ZNF423: variants seen among roughly 807,000 people sequenced by gnomAD.
ZNF423 encodes the protein zinc finger protein 423.
In ZNF423, 12 loss-of-function variants were observed where a neutral mutation model predicts 95.8. The observed-to-expected ratio is 0.13, with a 90% CI of 0.08 to 0.20. ZNF423 has a LOEUF of 0.20. Among genes scored for constraint, ZNF423 ranks in the 10% least tolerant of loss-of-function variants. ZNF423 has a pLI of 1.00. For synonymous variants in ZNF423, 749 were observed against 711.9 expected, an observed-to-expected ratio of 1.05 and a Z score of -0.83; for missense variants, 1,316 against 1,737.1, an observed-to-expected ratio of 0.76 and a Z score of 4.31.
Position 49,637,018 on chromosome 16 carries a change from G to T in ZNF423, c.2158C>A (p.Leu720Met). Residue 720 changes from leucine to methionine, a missense_variant, in exon 4 of 8, where the codon CTG (leucine) becomes ATG (methionine). Leu to Met is a conservative substitution (Grantham distance 15). Around this residue, in one of 6 missense-constraint regions of ZNF423, gnomAD observed 620 missense variants for 775.6 expected, o/e 0.80. Coordinates refer to ENST00000563137, the MANE Select transcript of ZNF423 (RefSeq NM_001379286.1). The surrounding 1 kb of genome is among the most constrained non-coding windows in gnomAD (Gnocchi z 5.6). ...SSVDDLQKHLLDMHTFVLYHC... is the reference protein window; with the variant it reads ...SSVDDLQKHLMDMHTFVLYHC... The stretch of plus-strand genomic sequence containing the variant: ...TACAACACAAAGGTGTGCATGTCCA[G>T]CAGGTGCTTCTGCAGGTCATCCACC... 6.2e-7 allele frequency: 1 copy of T among 1,613,982 alleles called. No homozygotes were observed.
At chr16:49,853,408 T>G (rs896540160) in intron 1 of ZNF423, among the ~76,000 whole-genome samples, 9 of 152,144 alleles carry the variant, frequency 5.9e-5, no homozygotes, top group South Asian at 4.2e-4. Flanking sequence ...TGGCCACATC[T>G]CCACCCTCTT....
At chr16:49,536,687 GATTACA>G (rs1381683088) in intron 5 of ZNF423, among the ~76,000 whole-genome samples, 7 of 151,918 alleles carry the variant, frequency 4.6e-5, no homozygotes, top group Non-Finnish European at 1.0e-4. Flanking sequence ...AAAGTGCTGG[GATTACA>G]GGTATGAGCC....
chr16:49,792,143 G>A (rs968257739), intron 1 of ZNF423, among the ~76,000 whole-genome samples: 12 of 151,632 alleles, frequency 7.9e-5, no homozygotes, highest in Admixed American at 6.6e-4. Context: ...TTAGTCATCT[G>A]CAGGTATCAG....
intron 5 of ZNF423, among the ~76,000 whole-genome samples, chr16:49,596,381 C>T (rs774406026): frequency 6.6e-6 from 1 of 152,170 alleles, no homozygotes; most frequent in Non-Finnish European, 1.5e-5. Flanking sequence ...AGAAAAACAA[C>T]AGCCCGCAGC....
intron 5 of ZNF423, among the ~76,000 whole-genome samples, chr16:49,563,074 C>T (rs79829380): frequency 0.036 from 5,413 of 151,884 alleles, 136 homozygotes; most frequent in Non-Finnish European, 0.056. Flanking sequence ...TGAGCCACCG[C>T]GCCCACACAG....
intron 5 of ZNF423, among the ~76,000 whole-genome samples, chr16:49,592,755 A>G (rs1157046632): frequency 1.3e-5 from 2 of 151,946 alleles, no homozygotes; most frequent in African/African-American, 2.4e-5. Context: ...TGATGCCCCC[A>G]CCTCTGCCAG....
At chr16:49,795,681 G>A (rs1365050618) in intron 1 of ZNF423, among the ~76,000 whole-genome samples, 2 of 152,196 alleles carry the variant, frequency 1.3e-5, no homozygotes, top group Admixed American at 6.5e-5. Context: ...CCACAGGGAT[G>A]GAGGGGGCTA....
chr16:49,643,395 A>C (rs1018558802), intron 3 of ZNF423, among the ~76,000 whole-genome samples: 3 of 152,212 alleles, frequency 2.0e-5, no homozygotes, highest in Non-Finnish European at 4.4e-5. Context: ...CTAATGAGTT[A>C]GGGACTGTTA....
At chr16:49,669,253 C>T (rs865858704) in intron 3 of ZNF423, among the ~76,000 whole-genome samples, 57 of 151,426 alleles carry the variant, frequency 3.8e-4, no homozygotes, top group African/African-American at 1.2e-3. Context: ...CACTTGAACT[C>T]GGGAGGCGGA....
chr16:49,833,665 T>C (rs999966152), intron 1 of ZNF423, among the ~76,000 whole-genome samples: 1 of 149,570 alleles, frequency 6.7e-6, no homozygotes, highest in East Asian at 2.0e-4. Context: ...GACGGACAGA[T>C]GTCAAGGCTT....
intron 1 of ZNF423, among the ~76,000 whole-genome samples, chr16:49,853,081 T>G (rs891877152): frequency 6.6e-6 from 1 of 152,254 alleles, no homozygotes; most frequent in African/African-American, 2.4e-5. Flanking sequence ...CACAGCAGAA[T>G]GCTCGGGGCC....
intron 7 of ZNF423, chr16:49,518,410 A>G (rs959875596): frequency 2.3e-6 from 1 of 435,452 alleles, no homozygotes; most frequent in Non-Finnish European, 4.5e-6. Context: ...CATTTAGAAA[A>G]TTCACTTTTT....
chr16:49,504,305 C>T (rs1243418142), intron 7 of ZNF423, among the ~76,000 whole-genome samples: 1 of 152,194 alleles, frequency 6.6e-6, no homozygotes, highest in Non-Finnish European at 1.5e-5. Flanking sequence ...GTGGCTCACA[C>T]CTGTAATCCC....
intron 3 of ZNF423, among the ~76,000 whole-genome samples, chr16:49,657,082 C>T (rs1230359470): frequency 6.6e-6 from 1 of 152,236 alleles, no homozygotes; most frequent in African/African-American, 2.4e-5. Context: ...AGGAGGTGGC[C>T]TCCCGTGGAG....
intron 1 of ZNF423, among the ~76,000 whole-genome samples, chr16:49,793,706 T>A (rs1402401332): frequency 6.6e-6 from 1 of 151,752 alleles, no homozygotes; most frequent in Non-Finnish European, 1.5e-5. Flanking sequence ...AGAGGAGGCA[T>A]GGGGGCAAGT....
chr16:49,568,313 G>A (rs530070700), intron 5 of ZNF423, among the ~76,000 whole-genome samples: 82 of 152,124 alleles, frequency 5.4e-4, no homozygotes, highest in Non-Finnish European at 8.5e-4. Flanking sequence ...GCCATTTTCC[G>A]TACCATACTG....
At chr16:49,630,053 G>A (rs142637151) in intron 4 of ZNF423, among the ~76,000 whole-genome samples, 1,614 of 152,282 alleles carry the variant, frequency 0.011, 17 homozygotes, top group Middle Eastern at 0.037. Context: ...TGGGGGATTC[G>A]CTGTGTCCTG....
intron 1 of ZNF423, among the ~76,000 whole-genome samples, chr16:49,796,027 G>A (rs1276282025): frequency 6.6e-6 from 1 of 152,176 alleles, no homozygotes; most frequent in Admixed American, 6.5e-5. Flanking sequence ...TTCCTGGGGT[G>A]CATTAAGAAG....
At chr16:49,738,349 G>A (rs1356141787) in intron 2 of ZNF423, among the ~76,000 whole-genome samples, 1 of 152,172 alleles carries the variant, frequency 6.6e-6, no homozygotes, top group African/African-American at 2.4e-5. Flanking sequence ...CCAGGGCTGG[G>A]GCTGGTCGGG....
Sources: gnomAD v4.1 joint callset for allele counts (sites outside exome capture counted in the v4.1 genomes callset) on GRCh38, gnomAD v4.1.1 for gene constraint, gnomAD v4.1.1 regional missense constraint, Gnocchi (gnomAD v3.1) non-coding constraint, MANE v1.5 for transcripts, NCBI Gene and HGNC (gene_info 2026-07-23, HGNC 2026-07-21) for gene names.